SLC26A7: variants seen among roughly 807,000 people sequenced by gnomAD.
SLC26A7 encodes anion exchange transporter.
Under a neutral mutation model 82.5 loss-of-function variants are expected in SLC26A7, and 59 were observed. That is an observed-to-expected ratio of 0.72 (90% CI 0.58 to 0.89). The LOEUF (loss-of-function observed/expected upper bound fraction) is 0.89, where lower values mean the gene tolerates loss of function less well. Among genes scored for constraint, SLC26A7 ranks in the 40% least tolerant of loss-of-function variants. The pLI is 0.00. For synonymous variants in SLC26A7, 271 were observed against 274.3 expected (o/e 0.99, Z 0.12); for missense variants, 820 against 793.0 (o/e 1.03, Z -0.41).
chr8:91,257,260 T>C (rs1404103884), intron 2 of SLC26A7, among the ~76,000 whole-genome samples: 1 of 152,112 alleles, frequency 6.6e-6, no homozygotes, highest in Non-Finnish European at 1.5e-5. Context: ...GATTTTACCA[T>C]GTAGCAGAGG....
At chr8:91,356,076 G>T (rs1813859194) in intron 11 of SLC26A7, among the ~76,000 whole-genome samples, 1 of 152,130 alleles carries the variant, frequency 6.6e-6, no homozygotes, top group African/African-American at 2.4e-5. Flanking sequence ...TTTTATGGCT[G>T]CATAGTATTC....
Position 91,395,264 on chromosome 8 carries a change from T to G in SLC26A7, c.*167T>G. The G allele has an allele frequency of 9.3e-6, 13 of 1,398,972 alleles. No homozygotes were observed. The highest frequency in any genetic ancestry group is 1.2e-5 in the Non-Finnish European group (13 of 1,075,902). 86.7% of individuals were successfully genotyped at this position (1,398,972 alleles called of 1,614,324 possible). On this transcript the variant is annotated 3_prime_UTR_variant, in exon 19 of 19. Coordinates refer to ENST00000276609, the MANE Select transcript of SLC26A7 (RefSeq NM_052832.4). ...TAGCAGTTGGAAAGAACTGCCAACT[T>G]TTTTTTCTCATTTTTGTTAGTAAGA...
At chr8:91,263,714 TGAAATG>T (rs1811032996) in intron 2 of SLC26A7, among the ~76,000 whole-genome samples, 1 of 152,074 alleles carries the variant, frequency 6.6e-6, no homozygotes, top group Non-Finnish European at 1.5e-5. Flanking sequence ...CTAATCCTTC[TGAAATG>T]GATTAAGTCT....
Position 91,338,339 on chromosome 8 carries a change from T to C in SLC26A7, c.878+107T>C, listed in dbSNP as rs112570537. The C allele has an allele frequency of 3.1e-3, 1,955 of 630,740 alleles. 24 individuals are homozygous for C. The African/African-American group carries it at 0.033, about 11-fold the overall frequency. The allele number at this position is 630,740 out of a possible 1,614,324, so 39.1% of individuals were successfully genotyped here. A position where few individuals can be genotyped will look rare whatever the true frequency, so the allele number is the denominator to read the frequency against. ...TGGATATTTCATTTCTTAATTCTAA[T>C]TAATTTCTATTACAAAATGATAGAA... is the stretch of plus-strand genomic sequence containing the variant. On this transcript the variant is annotated intron_variant, in intron 7 of 18. Transcript: ENST00000276609.
At chr8:91,359,528 G>T (rs906440685) in intron 11 of SLC26A7, among the ~76,000 whole-genome samples, 1 of 152,190 alleles carries the variant, frequency 6.6e-6, no homozygotes, top group Non-Finnish European at 1.5e-5. Flanking sequence ...CTTGGAGTAA[G>T]TAAGCAATGT....
At chr8:91,374,149 A>G (rs1282926818) in intron 15 of SLC26A7, among the ~76,000 whole-genome samples, 1 of 151,580 alleles carries the variant, frequency 6.6e-6, no homozygotes, top group African/African-American at 2.4e-5. Flanking sequence ...CTAATAGTCT[A>G]TTAATTTTGT....
chr8:91,339,480 A>G (rs1813339620), intron 7 of SLC26A7, among the ~76,000 whole-genome samples: 1 of 152,094 alleles, frequency 6.6e-6, no homozygotes, highest in African/African-American at 2.4e-5. Context: ...TTTCTCCTCT[A>G]TACAGTGGGT....
intron 15 of SLC26A7, among the ~76,000 whole-genome samples, chr8:91,375,249 T>A (rs1005255865): frequency 6.6e-6 from 1 of 151,238 alleles, no homozygotes; most frequent in African/African-American, 2.5e-5. Context: ...AAGGTTAATA[T>A]TGATTTGTGA....
intron 11 of SLC26A7, among the ~76,000 whole-genome samples, chr8:91,355,017 A>C (rs1222445873): frequency 1.3e-5 from 2 of 152,048 alleles, no homozygotes; most frequent in African/African-American, 4.8e-5. Context: ...GAGCTATTTC[A>C]TGGTGACAAT....
At chr8:91,229,183 C>T (rs932472291) in intron 2 of SLC26A7, among the ~76,000 whole-genome samples, 1 of 152,172 alleles carries the variant, frequency 6.6e-6, no homozygotes, top group African/African-American at 2.4e-5. Flanking sequence ...TGTTCTGGCT[C>T]ATTTCCCCAC....
chr8:91,340,064 T>C (rs1813359086), intron 7 of SLC26A7, among the ~76,000 whole-genome samples: 1 of 152,130 alleles, frequency 6.6e-6, no homozygotes, highest in Non-Finnish European at 1.5e-5. Context: ...CAAATAAATA[T>C]TTGGAAAGGT....
intron 1 of SLC26A7, among the ~76,000 whole-genome samples, chr8:91,211,546 G>T (rs1419946812): frequency 6.8e-6 from 1 of 148,030 alleles, no homozygotes; most frequent in Non-Finnish European, 1.5e-5. Context: ...GTAAGGAATT[G>T]CTTTTATATA....
intron 2 of SLC26A7, among the ~76,000 whole-genome samples, chr8:91,280,528 T>A (rs1234786953): frequency 1.3e-5 from 2 of 152,188 alleles, no homozygotes; most frequent in Non-Finnish European, 2.9e-5. Flanking sequence ...CCCCTCGTGC[T>A]CTATTCCCCA....
chr8:91,322,984 C>T (rs1348912308), intron 5 of SLC26A7, among the ~76,000 whole-genome samples: 1 of 152,106 alleles, frequency 6.6e-6, no homozygotes, highest in East Asian at 1.9e-4. Context: ...GAAGTCAGAA[C>T]CAATGAAACA....
At chr8:91,371,049 C>A (rs1814345703) in intron 15 of SLC26A7, among the ~76,000 whole-genome samples, 1 of 151,818 alleles carries the variant, frequency 6.6e-6, no homozygotes, top group Admixed American at 6.6e-5. Flanking sequence ...GGAATGACAT[C>A]TATTACTTTA....
chr8:91,256,926 T>A (rs993347085), intron 2 of SLC26A7, among the ~76,000 whole-genome samples: 3 of 152,096 alleles, frequency 2.0e-5, no homozygotes, highest in African/African-American at 7.2e-5. Context: ...ACTGCCCTGC[T>A]CCATTCCTCA....
At chr8:91,211,542 A>C (rs1300379935) in intron 1 of SLC26A7, among the ~76,000 whole-genome samples, 1 of 149,972 alleles carries the variant, frequency 6.7e-6, no homozygotes, top group East Asian at 1.9e-4. Context: ...ACTGGTAAGG[A>C]ATTGCTTTTA....
chr8:91,338,626 A>C (rs1419041649), intron 7 of SLC26A7, among the ~76,000 whole-genome samples: 1 of 152,142 alleles, frequency 6.6e-6, no homozygotes, highest in Non-Finnish European at 1.5e-5. Flanking sequence ...GACAAGCATA[A>C]TCTGAAATAG....
Position 91,338,156 on chromosome 8 carries a change from G to A in SLC26A7, c.802G>A (p.Ala268Thr), listed in dbSNP as rs964552818. ...TTCAAATGGAACCACACAGATTATT[G>A]CTGCATCATTTGCTTGTTATTGCAC... ...VLPVDLVLII[A>T]ASFACYCTNM... is the part of the protein sequence containing the mutation. Residue 268 changes from alanine to threonine, a missense_variant, in exon 7 of 19, where the codon GCT (alanine) becomes ACT (threonine). By Grantham distance (58) the Ala-to-Thr change is moderately conservative (BLOSUM62 0). Coordinates refer to ENST00000276609, the MANE Select transcript of SLC26A7 (RefSeq NM_052832.4). 1.2e-6 allele frequency: 2 copies of A among 1,608,012 alleles called. No homozygotes were observed. Among genetic ancestry groups the A allele is most frequent in the Admixed American group, 3.4e-5 (2 of 59,110 alleles).
Sources: gnomAD v4.1 joint callset for allele counts (sites outside exome capture counted in the v4.1 genomes callset) on GRCh38, gnomAD v4.1.1 for gene constraint, MANE v1.5 for transcripts, NCBI Gene and HGNC (gene_info 2026-07-23, HGNC 2026-07-21) for gene names.